The following MYO1D variants were observed in gnomAD, a reference collection of about 807,000 sequenced individuals.
MYO1D encodes the protein unconventional myosin-Id.
MYO1D carries 83 observed loss-of-function variants against 122.0 expected under a neutral mutation model. The ratio of observed to expected loss-of-function variants is 0.68; its 90% CI spans 0.57 to 0.82. MYO1D has a LOEUF of 0.82. MYO1D is among the 40% of genes least tolerant of loss of function. The pLI is 0.00. For missense variants in MYO1D, 1,157 were observed against 1,269.5 expected, an observed-to-expected ratio of 0.91 and a Z score of 1.35; for synonymous variants, 464 against 446.9, an observed-to-expected ratio of 1.04 and a Z score of -0.48.
chr17:32,543,603 A>AAAT (rs1910920377), intron 21 of MYO1D, among the ~76,000 whole-genome samples: 2 of 127,742 alleles, frequency 1.6e-5, no homozygotes, highest in Non-Finnish European at 3.6e-5. Context: ...AATAAATAAA[A>AAAT]AATAAAAATA....
intron 1 of MYO1D, among the ~76,000 whole-genome samples, chr17:32,840,639 CT>C (rs1252036830): frequency 6.6e-6 from 1 of 152,232 alleles, no homozygotes. Flanking sequence ...CTTCTCTACT[CT>C]TTTCTACTCT....
chr17:32,837,354 G>A (rs868692428), intron 1 of MYO1D, among the ~76,000 whole-genome samples: 1 of 146,292 alleles, frequency 6.8e-6, no homozygotes, highest in African/African-American at 2.5e-5. Context: ...TATTATATAG[G>A]ACCATAATAT....
At chr17:32,570,603 G>T (rs2087216499) in intron 21 of MYO1D, among the ~76,000 whole-genome samples, 1 of 152,108 alleles carries the variant, frequency 6.6e-6, no homozygotes, top group Non-Finnish European at 1.5e-5. Context: ...CTGCCTGCCT[G>T]GGCCTCCCAA....
In MYO1D at chr17:32,493,210, T is replaced by A. The variant is rs1041898157; in HGVS notation, c.*1549A>T. On this transcript the variant is annotated 3_prime_UTR_variant, in exon 22 of 22. Transcript: ENST00000318217. ...CAGGCAGCTGACCAGGCTTGGAGAA[T>A]GAGAAAGGGTTCCCAAGGACAGGAT... 2 of 152,314 alleles carry A rather than the reference T, an allele frequency of 1.3e-5. No homozygotes were observed. Among genetic ancestry groups the A allele is most frequent in the Non-Finnish European group, 2.9e-5 (2 of 68,038 alleles). The allele number at this position is 152,314 out of a possible 1,614,324, so 9.4% of individuals were successfully genotyped here.
At chr17:32,552,797 G>A (rs1161219427) in intron 21 of MYO1D, among the ~76,000 whole-genome samples, 2 of 152,174 alleles carry the variant, frequency 1.3e-5, no homozygotes, top group Non-Finnish European at 2.9e-5. Context: ...CGAAACCACA[G>A]AACGAAGATG....
rs761589235 is a variant in MYO1D, at chr17:32,504,537, G to A, written c.2865-9622C>T. 11 of 152,242 alleles carry A rather than the reference G, an allele frequency of 7.2e-5. No individual in the cohort carries two copies. The South Asian group carries it at 1.4e-3, about 20-fold the overall frequency. 9.4% of individuals were successfully genotyped at this position (152,242 alleles called of 1,614,324 possible). A position where few individuals can be genotyped will look rare whatever the true frequency, so the allele number is the denominator to read the frequency against. On this transcript the variant is annotated intron_variant, in intron 21 of 21. Coordinates refer to ENST00000318217, the MANE Select transcript of MYO1D (RefSeq NM_015194.3). Reference sequence around the variant, plus strand: ...GGTGGGTGGGCTTCCCAGAGGAGGCGACACACAGACTGATACCGCAAGAAT... The same window carrying A: ...GGTGGGTGGGCTTCCCAGAGGAGGCAACACACAGACTGATACCGCAAGAAT...
intron 16 of MYO1D, among the ~76,000 whole-genome samples, chr17:32,682,744 G>A (rs1324406310): frequency 2.5e-5 from 3 of 119,378 alleles, no homozygotes; most frequent in East Asian, 2.8e-4. Context: ...TGCTCTTCTC[G>A]AGGAGTATCT....
chr17:32,747,698 G>A (rs556523642), intron 12 of MYO1D, among the ~76,000 whole-genome samples: 10 of 152,122 alleles, frequency 6.6e-5, no homozygotes, highest in East Asian at 1.9e-4. Flanking sequence ...TTAGCCAGGC[G>A]TGGTGGTATG....
At chr17:32,616,735 G>A (rs2087774228) in intron 20 of MYO1D, among the ~76,000 whole-genome samples, 1 of 152,092 alleles carries the variant, frequency 6.6e-6, no homozygotes, top group East Asian at 1.9e-4. Flanking sequence ...AAAGATAGAG[G>A]TCTATATCCT....
chr17:32,745,319 T>C, intron 12 of MYO1D, 34 bp from the exon 13 acceptor site: 1 of 1,373,038 alleles, frequency 7.3e-7, no homozygotes, highest in Non-Finnish European at 1.0e-6. Flanking sequence ...ACATGTATCA[T>C]TTACCAAGCA....
rs541249979 is a variant in MYO1D, at chr17:32,654,173, T to C, written c.2491-226A>G. On this transcript the variant is annotated intron_variant, in intron 18 of 21. Coordinates refer to ENST00000318217, the MANE Select transcript of MYO1D (RefSeq NM_015194.3). ...AGAGGATAAAGTGTAGCTCTGGGAA[T>C]AATTAATATAAAGGTAGTAATTAAA... 2.4e-4 allele frequency among the ~76,000 whole-genome samples: 37 copies of C among 152,306 alleles called. 1 individual carries two copies. Among genetic ancestry groups the C allele is most frequent in the African/African-American group, 8.4e-4 (35 of 41,550 alleles).
chr17:32,504,225 G>T (rs1286755757), intron 21 of MYO1D, among the ~76,000 whole-genome samples: 1 of 151,862 alleles, frequency 6.6e-6, no homozygotes, highest in Non-Finnish European at 1.5e-5. Flanking sequence ...CAGGCCCGGG[G>T]GCGTGATCCA....
chr17:32,797,445 G>GGGGGA (rs1567647079), intron 1 of MYO1D, among the ~76,000 whole-genome samples: 4 of 152,114 alleles, frequency 2.6e-5, no homozygotes, highest in Admixed American at 6.6e-5. Context: ...CCAAAGTTTC[G>GGGGGA]CTTTTCGTGG....
Position 32,610,014 on chromosome 17 carries a change from T to C in MYO1D, c.2710-4773A>G, listed in dbSNP as rs968892662. Reference sequence around the variant, plus strand: ...TATGTGAAATTCAAAATTGAATTGATGTAGCACTTCACAGGAGAGCTTGAT... The same window carrying C: ...TATGTGAAATTCAAAATTGAATTGACGTAGCACTTCACAGGAGAGCTTGAT... On this transcript the variant is annotated intron_variant, in intron 20 of 21. Transcript: ENST00000318217. 5.9e-5 allele frequency among the ~76,000 whole-genome samples: 9 copies of C among 152,232 alleles called. 1 individual carries two copies. The highest frequency in any genetic ancestry group is 1.2e-4 in the Non-Finnish European group (8 of 68,040).
chr17:32,500,313 G>A (rs568348895), intron 21 of MYO1D, among the ~76,000 whole-genome samples: 2 of 152,322 alleles, frequency 1.3e-5, no homozygotes, highest in East Asian at 3.9e-4. Flanking sequence ...AAGACAATGG[G>A]CACAACTGGT....
intron 14 of MYO1D, among the ~76,000 whole-genome samples, chr17:32,722,019 T>A (rs2089518220): frequency 6.6e-6 from 1 of 152,230 alleles, no homozygotes; most frequent in African/African-American, 2.4e-5. Flanking sequence ...TACAGAATAC[T>A]CTGTAGTTAA....
intron 16 of MYO1D, among the ~76,000 whole-genome samples, chr17:32,699,577 T>C (rs1185706260): frequency 6.6e-6 from 1 of 152,234 alleles, no homozygotes; most frequent in Non-Finnish European, 1.5e-5. Context: ...ATTAATTTTA[T>C]ATGGTATGAT....
At chr17:32,724,044 G>C (rs977273343) in intron 14 of MYO1D, among the ~76,000 whole-genome samples, 1 of 152,058 alleles carries the variant, frequency 6.6e-6, no homozygotes, top group Non-Finnish European at 1.5e-5. Flanking sequence ...ATCTATATTG[G>C]GGGAACAACT....
rs1408763981 is a variant in MYO1D at position 32,512,833 on chromosome 17, T to G, written c.2865-17918A>C. 4 of 152,244 alleles carry G rather than the reference T, an allele frequency of 2.6e-5. No individual in the cohort carries two copies. In the East Asian group the frequency reaches 7.7e-4, roughly 29 times the overall value. The allele number at this position is 152,244 out of a possible 1,614,324, so 9.4% of individuals were successfully genotyped here. ...CTGGGCTTCTCCAGCCACAGTGGTC[T>G]CCAAGACCCTACAGACAAGAAGGCG... On this transcript the variant is annotated intron_variant, in intron 21 of 21. Coordinates refer to ENST00000318217, the MANE Select transcript of MYO1D (RefSeq NM_015194.3).
Sources: gnomAD v4.1 joint callset for allele counts (sites outside exome capture counted in the v4.1 genomes callset) on GRCh38, gnomAD v4.1.1 for gene constraint, MANE v1.5 for transcripts, NCBI Gene and HGNC (gene_info 2026-07-23, HGNC 2026-07-21) for gene names.